Variants in GSTM4 observed in about 807,000 individuals in gnomAD.
GSTM4 encodes the protein glutathione S-transferase mu 4.
GSTM4 carries 27 observed loss-of-function variants against 30.1 expected under a neutral mutation model. That is an observed-to-expected ratio of 0.90 (90% CI 0.66 to 1.24). GSTM4 has a LOEUF of 1.24. GSTM4 is among the 50% of genes most tolerant of loss of function. The probability of loss-of-function intolerance (pLI) is 0.00; values close to 1 mark genes in which losing one functional copy is unlikely to be tolerated. For synonymous variants in GSTM4, 94 were observed against 96.2 expected, an observed-to-expected ratio of 0.98 and a Z score of 0.13; for missense variants, 238 against 272.1, an observed-to-expected ratio of 0.87 and a Z score of 0.88.
At chr1:109,663,110 T>C (rs1652367136), downstream of GSTM4, among the ~76,000 whole-genome samples, 1 of 152,042 alleles carries the variant, frequency 6.6e-6, no homozygotes, top group Non-Finnish European at 1.5e-5. Context: ...AAGTGTTGAG[T>C]AAAAGGATCC....
In GSTM4 at chr1:109,656,407, G is replaced by A. The variant is rs762711143; in HGVS notation, c.18G>A (p.Gly6=). 8 of 1,613,992 alleles carry A rather than the reference G, an allele frequency of 5.0e-6. No homozygotes were observed. The highest frequency in any genetic ancestry group is 5.1e-6 in the Non-Finnish European group (6 of 1,179,888). The part of the protein sequence containing the change: MSMTL[G]YWDIRGLAHA... ...CCAGCATCATGTCCATGACACTGGG[G>A]TACTGGGACATCCGCGGGGTGAGTG... Residue 6 remains glycine, a synonymous_variant, in exon 1 of 8, where the codon GGG becomes GGA. Coordinates refer to ENST00000369836, the MANE Select transcript of GSTM4 (RefSeq NM_000850.5).
In GSTM4 at chr1:109,661,220, T is replaced by C. The variant is rs1652298823; in HGVS notation, c.623T>C (p.Leu208Pro). 6.2e-7 allele frequency: 1 copy of C among 1,611,002 alleles called. No individual in the cohort carries two copies. The highest frequency in any genetic ancestry group is 1.1e-5 in the South Asian group (1 of 91,088). The change falls in exon 8 of 8, where the codon CTG becomes CCG. Residue 208 changes from leucine (L) to proline (P), a missense_variant. Physicochemically the swap from Leu to Pro is moderately conservative, Grantham distance 98. Transcript: ENST00000369836. ...TCCAGCCGCTTCCTCCCAAAACCTC[T>C]GTACACAAGGGTGGCTGTCTGGGGC... ...MKSSRFLPKP[L>P]YTRVAVWGNK
Position 109,658,795 on chromosome 1 carries a change from C to G in GSTM4, c.361-19C>G. On this transcript the variant is annotated intron_variant, in intron 5 of 7. Transcript: ENST00000369836. ...GGGAGCTTGTGTCTGAGGGTGGTGA[C>G]AGCTGTTTTCTGCCTCAGGAGAAAC... The G allele has an allele frequency of 6.4e-7, 1 of 1,573,220 alleles. No individual in the cohort carries two copies. The highest frequency in any genetic ancestry group is 1.1e-5 in the South Asian group (1 of 90,208).
downstream of GSTM4, chr1:109,664,901 C>G (rs1647255871): frequency 1.7e-6 from 2 of 1,155,892 alleles, no homozygotes; most frequent in Non-Finnish European, 2.6e-6. Context: ...TTTACCCATT[C>G]TCTACCTGTG....
chr1:109,659,261 T>A, intron 7 of GSTM4, 151 bp downstream of exon 7: 1 of 1,603,438 alleles, frequency 6.2e-7, no homozygotes, highest in Non-Finnish European at 8.5e-7. Flanking sequence ...ATTATACCTA[T>A]CGTGTGGAAT....
downstream of GSTM4, among the ~76,000 whole-genome samples, chr1:109,666,330 C>G (rs1570624980): frequency 6.6e-6 from 1 of 152,180 alleles, no homozygotes; most frequent in Admixed American, 6.5e-5. Flanking sequence ...AAAATAAGTT[C>G]AGTTCATCCT....
chr1:109,661,242 G>A lies in GSTM4; in HGVS notation c.645G>A (p.Trp215Ter). Residue 215 changes from tryptophan (W) to a stop codon, truncating the protein, a stop_gained, in exon 8 of 8, where the codon TGG (tryptophan) becomes TGA (stop). Coordinates refer to ENST00000369836, the MANE Select transcript of GSTM4 (RefSeq NM_000850.5). LOFTEE classifies it high-confidence loss of function. The stretch of plus-strand genomic sequence containing the variant: ...CTCTGTACACAAGGGTGGCTGTCTG[G>A]GGCAACAAGTAATGCCTTGAAGGCC... ...PKPLYTRVAVWGNK is the reference protein window; with the variant it reads ...PKPLYTRVAV 1 of 1,611,208 alleles carries A rather than the reference G, an allele frequency of 6.2e-7. No homozygotes were observed.
downstream of GSTM4, chr1:109,661,786 G>A: frequency 1.2e-6 from 1 of 839,616 alleles, no homozygotes; most frequent in Non-Finnish European, 1.5e-6. Context: ...GGTGACCCTG[G>A]CAGTAGCTGG....
downstream of GSTM4, among the ~76,000 whole-genome samples, chr1:109,664,341 CTTTTTTTTTTTTTTTTTTT>C (rs77855995): frequency 7.3e-4 from 26 of 35,752 alleles, no homozygotes; most frequent in East Asian, 9.6e-3. Flanking sequence ...GAGAGAATAG[CTTTTTTTTTTTTTTTTTTT>C]TTTTTTTTTT....
intron 1 of GSTM4, 32 bp from the exon 2 acceptor site, chr1:109,656,678 ATC>A (rs921116815): frequency 1.6e-5 from 26 of 1,603,594 alleles, no homozygotes; most frequent in Non-Finnish European, 2.2e-5. Flanking sequence ...GGGACCCTCC[ATC>A]TCTGACACGA....
chr1:109,659,925 G>A (rs573825031), intron 7 of GSTM4: 15 of 354,866 alleles, frequency 4.2e-5, no homozygotes, highest in South Asian at 3.3e-4. Context: ...GGAAATGAGT[G>A]CAGTGAGAGG....
chr1:109,657,653 G>T lies in GSTM4; in HGVS notation c.241G>T (p.Ala81Ser). Reference protein sequence around the residue: ...TQSNAILCYIARKHNLCGETE... With the variant: ...TQSNAILCYISRKHNLCGETE... ...GAGCAACGCCATCCTGTGCTACATT[G>T]CCCGCAAGCACAACCTGTGTGAGTG... Residue 81 changes from alanine (A) to serine (S), a missense_variant, in exon 4 of 8, where the codon GCC becomes TCC. Transcript: ENST00000369836. The T allele has an allele frequency of 6.2e-7, 1 of 1,614,246 alleles. No individual in the cohort carries two copies. The highest frequency in any genetic ancestry group is 8.5e-7 in the Non-Finnish European group (1 of 1,180,038).
chr1:109,659,111 G>C lies in GSTM4; in HGVS notation c.567+1G>C. On this transcript the variant is annotated splice_donor_variant, in intron 7 of 7. Coordinates refer to ENST00000369836, the MANE Select transcript of GSTM4 (RefSeq NM_000850.5). LOFTEE classifies it high-confidence loss of function. The stretch of plus-strand genomic sequence containing the variant: ...GAAGGACTTCATCTCCCGCTTTGAG[G>C]TGATGCCCCCATCCTCCTTTCTCTT... 1 of 1,614,208 alleles carries C rather than the reference G, an allele frequency of 6.2e-7. No homozygotes were observed. Among genetic ancestry groups the C allele is most frequent in the Non-Finnish European group, 8.5e-7 (1 of 1,180,036 alleles).
In GSTM4 at chr1:109,656,152, C is replaced by T; in HGVS notation, c.-238C>T. ...CACTCGGAGGTGGCGGTGGATCTTA[C>T]TCCTTCCAGCCAGTGAGGATCCAGC... On this transcript the variant is annotated 5_prime_UTR_variant, in exon 1 of 8. Coordinates refer to ENST00000369836, the MANE Select transcript of GSTM4 (RefSeq NM_000850.5). 1 of 520,196 alleles carries T rather than the reference C, an allele frequency of 1.9e-6. No individual in the cohort carries two copies. Among genetic ancestry groups the T allele is most frequent in the Admixed American group, 3.2e-5 (1 of 31,550 alleles). 32.2% of individuals were successfully genotyped at this position (520,196 alleles called of 1,614,324 possible).
rs376675246 is a variant in GSTM4 at position 109,661,005 on chromosome 1, G to A, written c.568-160G>A. Reference sequence around the variant, plus strand: ...AAAGGAAGTTGGAAGAGTTAACTCCGCAAATCTGGGGACCCTAAGAGGCTG... The same window carrying A: ...AAAGGAAGTTGGAAGAGTTAACTCCACAAATCTGGGGACCCTAAGAGGCTG... On this transcript the variant is annotated intron_variant, in intron 7 of 7. Coordinates refer to ENST00000369836, the MANE Select transcript of GSTM4 (RefSeq NM_000850.5). 4.8e-4 allele frequency: 407 copies of A among 842,666 alleles called. 1 individual carries two copies. The African/African-American group carries it at 5.9e-3, about 12-fold the overall frequency. The allele number at this position is 842,666 out of a possible 1,614,324, so 52.2% of individuals were successfully genotyped here.
At chr1:109,657,412 G>A in intron 3 of GSTM4, 133 bp downstream of exon 3, 2 of 1,409,368 alleles carry the variant, frequency 1.4e-6, no homozygotes, top group Non-Finnish European at 1.0e-6. Flanking sequence ...TGTCTACACA[G>A]CCCCTGCATG....
chr1:109,664,186 T>TATTTTTAG (rs941250727), downstream of GSTM4, among the ~76,000 whole-genome samples: 1 of 152,140 alleles, frequency 6.6e-6, no homozygotes, highest in African/African-American at 2.4e-5. Context: ...CTCATTTATT[T>TATTTTTAG]ATTTTTAGAA....
chr1:109,667,206 A>ATAG (rs1365772390), downstream of GSTM4, among the ~76,000 whole-genome samples: 1 of 149,838 alleles, frequency 6.7e-6, no homozygotes, highest in Non-Finnish European at 1.5e-5. Flanking sequence ...AATAATAATA[A>ATAG]TAGAAATCAT....
chr1:109,660,893 A>T (rs1473365511), intron 7 of GSTM4: 10 of 474,218 alleles, frequency 2.1e-5, no homozygotes, highest in Non-Finnish European at 3.9e-5. Context: ...TTCTAAGCTT[A>T]TGTTGTAATT....
Sources: gnomAD v4.1 joint callset for allele counts (sites outside exome capture counted in the v4.1 genomes callset) on GRCh38, gnomAD v4.1.1 for gene constraint, MANE v1.5 for transcripts, NCBI Gene and HGNC (gene_info 2026-07-23, HGNC 2026-07-21) for gene names.